BTG4: variants seen among roughly 807,000 people sequenced by gnomAD.
BTG4 encodes the protein protein BTG4.
In BTG4, 10 loss-of-function variants were observed where a neutral mutation model predicts 19.3. The ratio of observed to expected loss-of-function variants is 0.52; its 90% confidence interval spans 0.32 to 0.88. The LOEUF is 0.88. Ranked by LOEUF, BTG4 falls within the 40% of genes least tolerant of loss-of-function variation. BTG4 has a pLI of 0.04. For synonymous variants in BTG4, 91 were observed against 95.7 expected, an observed-to-expected ratio of 0.95 and a Z score of 0.29; for missense variants, 238 against 281.9, an observed-to-expected ratio of 0.84 and a Z score of 1.11.
chr11:111,455,023 A>C, the BTG4 span: 1 of 456,194 alleles, frequency 2.2e-6, no homozygotes. Flanking sequence ...GCTGTGGGGA[A>C]CAAGGCGCTG....
chr11:111,430,852 A>C, the BTG4 span, among the ~76,000 whole-genome samples: 2 of 152,260 alleles, frequency 1.3e-5, no homozygotes, highest in Non-Finnish European at 2.9e-5. Flanking sequence ...ACCCCAGATT[A>C]AAGTGCCTCT....
chr11:111,512,020 G>T (rs574163770), intron 1 of BTG4, among the ~76,000 whole-genome samples, 161 bp downstream of exon 1: 1 of 152,212 alleles, frequency 6.6e-6, no homozygotes, highest in Admixed American at 6.5e-5. Context: ...TGACTAGAAG[G>T]CCCAGGCTTC....
chr11:111,419,368 C>T, the BTG4 span, among the ~76,000 whole-genome samples: 1 of 152,256 alleles, frequency 6.6e-6, no homozygotes, highest in African/African-American at 2.4e-5. Context: ...AGATACAAAG[C>T]TTCATCCAGC....
the BTG4 span, chr11:111,455,537 G>A: frequency 1.6e-5 from 4 of 247,116 alleles, no homozygotes; most frequent in East Asian, 9.4e-5. Context: ...TCTGCTCGAC[G>A]CTGAGGGAGG....
chr11:111,395,724 T>TG, the BTG4 span, among the ~76,000 whole-genome samples: 1 of 152,326 alleles, frequency 6.6e-6, no homozygotes, highest in Non-Finnish European at 1.5e-5. Context: ...AGGCTGTCTT[T>TG]GGGGTCTTCC....
chr11:111,404,676 G>A, the BTG4 span: 1 of 456,252 alleles, frequency 2.2e-6, no homozygotes, highest in South Asian at 1.5e-5. Flanking sequence ...AGTGAATATG[G>A]CAGGAGCTGC....
intron 1 of BTG4, among the ~76,000 whole-genome samples, chr11:111,501,029 T>C (rs1866041504): frequency 6.6e-6 from 1 of 151,886 alleles, no homozygotes; most frequent in African/African-American, 2.4e-5. Context: ...GGTACAATAG[T>C]GAACTCATAA....
chr11:111,472,011 C>G (rs1864095564), intron 5 of BTG4, among the ~76,000 whole-genome samples: 1 of 152,216 alleles, frequency 6.6e-6, no homozygotes, highest in Admixed American at 6.5e-5. Flanking sequence ...TACAATACCA[C>G]CCTTGTGAAA....
At chr11:111,492,437 A>C (rs1406347774), downstream of BTG4, among the ~76,000 whole-genome samples, 1 of 152,216 alleles carries the variant, frequency 6.6e-6, no homozygotes, top group Non-Finnish European at 1.5e-5. Flanking sequence ...AGATTTTTAC[A>C]GCGATTAGTT....
intron 1 of BTG4, among the ~76,000 whole-genome samples, chr11:111,504,625 C>T (rs921573093): frequency 2.6e-5 from 4 of 151,974 alleles, no homozygotes; most frequent in Admixed American, 2.6e-4. Context: ...CCAGAGCTAT[C>T]AGGCAAGAGA....
chr11:111,425,138 A>G, the BTG4 span, among the ~76,000 whole-genome samples: 1 of 152,196 alleles, frequency 6.6e-6, no homozygotes, highest in Non-Finnish European at 1.5e-5. Context: ...ACAAACTTTT[A>G]TCATGGGGCA....
intron 4 of BTG4, among the ~76,000 whole-genome samples, chr11:111,496,290 A>G (rs773000627): frequency 1.1e-4 from 16 of 152,216 alleles, no homozygotes; most frequent in African/African-American, 1.7e-4. Flanking sequence ...TGGTGAGACT[A>G]CAAATAAATA....
chr11:111,452,234 G>A, the BTG4 span, among the ~76,000 whole-genome samples: 1 of 152,222 alleles, frequency 6.6e-6, no homozygotes, highest in Non-Finnish European at 1.5e-5. Context: ...TCTGATTTGA[G>A]TCATCTGATG....
At chr11:111,433,786 C>A in the BTG4 span, among the ~76,000 whole-genome samples, 1 of 152,286 alleles carries the variant, frequency 6.6e-6, no homozygotes, top group Middle Eastern at 3.4e-3. Flanking sequence ...ATGTAGCCAA[C>A]AGGCATATGA....
intron 5 of BTG4, among the ~76,000 whole-genome samples, chr11:111,482,041 A>G (rs1176879643): frequency 6.6e-6 from 1 of 152,048 alleles, no homozygotes; most frequent in Admixed American, 6.6e-5. Flanking sequence ...ATCCCTATGC[A>G]GATGACATGA....
the BTG4 span, among the ~76,000 whole-genome samples, chr11:111,393,500 A>G: frequency 6.6e-6 from 1 of 152,148 alleles, no homozygotes; most frequent in Non-Finnish European, 1.5e-5. Context: ...TGCCCAAAGA[A>G]CTGTATACTT....
the BTG4 span, among the ~76,000 whole-genome samples, chr11:111,393,547 C>G: frequency 6.6e-6 from 1 of 152,132 alleles, no homozygotes; most frequent in Non-Finnish European, 1.5e-5. Context: ...ACAGGATGCA[C>G]CATCATGATT....
At chr11:111,456,252 C>T in the BTG4 span, among the ~76,000 whole-genome samples, 30 of 152,084 alleles carry the variant, frequency 2.0e-4, no homozygotes, top group Non-Finnish European at 4.0e-4. The surrounding 1 kb of genome is among the most constrained non-coding windows in gnomAD (Gnocchi z 4.2). Flanking sequence ...ATCCCGTAGC[C>T]CCCCTGTAGG....
intron 5 of BTG4, among the ~76,000 whole-genome samples, chr11:111,488,387 G>T (rs928798331): frequency 2.0e-5 from 3 of 152,140 alleles, no homozygotes; most frequent in African/African-American, 7.2e-5. Context: ...GGGAAAACTG[G>T]ATATCCATAC....
Sources: gnomAD v4.1 joint callset for allele counts (sites outside exome capture counted in the v4.1 genomes callset) on GRCh38, gnomAD v4.1.1 for gene constraint, Gnocchi (gnomAD v3.1) non-coding constraint, MANE v1.5 for transcripts, NCBI Gene and HGNC (gene_info 2026-07-23, HGNC 2026-07-21) for gene names.